TMEM74: variants seen among roughly 807,000 people sequenced by gnomAD.
TMEM74 encodes the protein transmembrane protein 74.
Under a neutral mutation model 18.1 loss-of-function variants are expected in TMEM74, and 13 were observed. The observed-to-expected ratio is 0.72, with a 90% CI of 0.47 to 1.14. The LOEUF (loss-of-function observed/expected upper bound fraction) is 1.14. Among genes scored for constraint, TMEM74 ranks in the 50% most tolerant of loss-of-function variants. The pLI is 0.00. For missense variants in TMEM74, 372 were observed against 375.9 expected (o/e 0.99, Z 0.09); for synonymous variants, 159 against 146.6 (o/e 1.08, Z -0.61).
intron 1 of TMEM74, among the ~76,000 whole-genome samples, chr8:108,670,824 A>C (rs991077206): frequency 2.0e-5 from 3 of 152,212 alleles, no homozygotes; most frequent in Non-Finnish European, 4.4e-5. Context: ...CCACAAAAAG[A>C]AAAAAGAAAA....
intron 1 of TMEM74, among the ~76,000 whole-genome samples, chr8:108,711,478 T>C (rs3019344): frequency 0.38 from 58,500 of 152,086 alleles, 11,656 homozygotes; most frequent in East Asian, 0.6. Context: ...CTCTACAACC[T>C]TTTCTTCTCA....
intron 1 of TMEM74, among the ~76,000 whole-genome samples, chr8:108,740,696 G>A (rs542861751): frequency 1.9e-4 from 29 of 152,258 alleles, no homozygotes; most frequent in Non-Finnish European, 3.2e-4. Context: ...AGTGATCTGT[G>A]ATCACTGATC....
At chr8:108,611,144 A>G (rs933651679) in intron 2 of TMEM74, among the ~76,000 whole-genome samples, 4 of 152,342 alleles carry the variant, frequency 2.6e-5, no homozygotes, top group East Asian at 1.9e-4. Flanking sequence ...GCATGTAAAT[A>G]TGGAGTATTT....
chr8:108,715,397 T>C (rs1247323725), intron 1 of TMEM74, among the ~76,000 whole-genome samples: 1 of 152,036 alleles, frequency 6.6e-6, no homozygotes, highest in African/African-American at 2.4e-5. Flanking sequence ...AAACTTGCAC[T>C]TGTGGCTCCT....
intron 1 of TMEM74, among the ~76,000 whole-genome samples, chr8:108,666,356 T>C (rs1812949191): frequency 1.3e-5 from 2 of 152,194 alleles, no homozygotes; most frequent in Non-Finnish European, 2.9e-5. Flanking sequence ...ACAGTGCACG[T>C]GTTGGCAATA....
chr8:108,615,064 T>C (rs982710854), intron 2 of TMEM74, among the ~76,000 whole-genome samples: 9 of 152,204 alleles, frequency 5.9e-5, no homozygotes, highest in African/African-American at 1.9e-4. Context: ...GGAAATAAAC[T>C]GAAAGTGTCA....
chr8:108,765,981 C>CA (rs1814102700), intron 1 of TMEM74, among the ~76,000 whole-genome samples: 1 of 151,820 alleles, frequency 6.6e-6, no homozygotes, highest in Non-Finnish European at 1.5e-5. Context: ...TTGGAAAAAG[C>CA]AAAAAGTATA....
intron 2 of TMEM74, among the ~76,000 whole-genome samples, chr8:108,618,563 C>G (rs747222775): frequency 6.6e-6 from 1 of 152,148 alleles, no homozygotes; most frequent in African/African-American, 2.4e-5. Flanking sequence ...TATCAGTACA[C>G]TGGAGTACTT....
chr8:108,643,009 C>A (rs879324082), intron 2 of TMEM74, among the ~76,000 whole-genome samples: 1 of 152,068 alleles, frequency 6.6e-6, no homozygotes, highest in Non-Finnish European at 1.5e-5. Context: ...TACCCCTTAC[C>A]CCTACCGTCA....
rs916866370 is a variant in TMEM74 at position 108,699,303 on chromosome 8, T to C, written n.120-43866A>G. Among the ~76,000 whole-genome samples, 4 of 151,260 alleles carry C rather than the reference T, an allele frequency of 2.6e-5. No individual in the cohort carries two copies. The East Asian group carries it at 7.8e-4, about 30-fold the overall frequency. ...TAGGACTAAACATTTTGTATGCCAGTGTCTGTAACACTATGTGTGCTATGT... is the reference window on the plus strand; with the variant it reads ...TAGGACTAAACATTTTGTATGCCAGCGTCTGTAACACTATGTGTGCTATGT... On this transcript the variant is annotated intron_variant and non_coding_transcript_variant, in intron 1 of 3. Transcript: ENST00000518838.
intron 2 of TMEM74, among the ~76,000 whole-genome samples, chr8:108,619,971 C>T (rs1812423184): frequency 6.6e-6 from 1 of 152,114 alleles, no homozygotes; most frequent in Non-Finnish European, 1.5e-5. Context: ...CTTTTTCTTC[C>T]TCTTTTCCAC....
intron 1 of TMEM74, among the ~76,000 whole-genome samples, chr8:108,746,149 A>G (rs897002578): frequency 3.3e-5 from 5 of 152,072 alleles, no homozygotes; most frequent in African/African-American, 9.7e-5. Context: ...AAACTTGATG[A>G]GATTCCTGCT....
chr8:108,741,214 C>T (rs1437456798), intron 1 of TMEM74, among the ~76,000 whole-genome samples: 1 of 152,032 alleles, frequency 6.6e-6, no homozygotes, highest in Admixed American at 6.6e-5. Flanking sequence ...ACATGAAATT[C>T]AGGTGGCTGC....
chr8:108,676,447 C>T lies in TMEM74; in HGVS notation n.120-21010G>A, dbSNP rs571090540. 4.6e-5 allele frequency among the ~76,000 whole-genome samples: 7 copies of T among 152,246 alleles called. No individual in the cohort carries two copies. The East Asian group carries it at 1.4e-3, about 29-fold the overall frequency. ...AGGCACAGTCCCCCCTCAAAGCCTT[C>T]ACACAAGCTGTTCCCTCTGCCTAGG... is the stretch of plus-strand genomic sequence containing the variant. On this transcript the variant is annotated intron_variant and non_coding_transcript_variant, in intron 1 of 3. Coordinates refer to the TMEM74 transcript ENST00000518838.
intron 1 of TMEM74, among the ~76,000 whole-genome samples, chr8:108,743,840 T>C (rs973117637): frequency 5.3e-5 from 8 of 152,122 alleles, no homozygotes; most frequent in Non-Finnish European, 1.2e-4. Flanking sequence ...CTCACCTCCC[T>C]CCAGGGGCAC....
chr8:108,661,468 G>T (rs1812899632), intron 1 of TMEM74, among the ~76,000 whole-genome samples: 1 of 123,138 alleles, frequency 8.1e-6, no homozygotes. Flanking sequence ...TGGTCTTTTT[G>T]TTTGCAATTT....
intron 1 of TMEM74, among the ~76,000 whole-genome samples, chr8:108,719,024 C>G (rs905780479): frequency 2.0e-5 from 3 of 150,798 alleles, no homozygotes; most frequent in African/African-American, 7.3e-5. Context: ...ATATTTGTAT[C>G]CTTGTAGTCA....
rs1378039645 is a variant in TMEM74 at position 108,741,484 on chromosome 8, C to T, written n.119+45992G>A. ...AGCTATAGAGGTTTATTTGGGACAG[C>T]CATGGTTTACACCTGGCATAATTGC... On this transcript the variant is annotated intron_variant and non_coding_transcript_variant, in intron 1 of 3. Coordinates refer to the TMEM74 transcript ENST00000518838. 2.6e-5 allele frequency among the ~76,000 whole-genome samples: 4 copies of T among 152,120 alleles called. No individual in the cohort carries two copies. In the East Asian group the frequency reaches 7.7e-4, roughly 29 times the overall value.
At chr8:108,630,232 C>G (rs924569326) in intron 2 of TMEM74, among the ~76,000 whole-genome samples, 1 of 151,936 alleles carries the variant, frequency 6.6e-6, no homozygotes, top group Non-Finnish European at 1.5e-5. Context: ...ATCAAAATGA[C>G]AAAGAAGGGC....
Sources: allele counts gnomAD v4.1 joint callset (sites outside exome capture counted in the v4.1 genomes callset), GRCh38; gene constraint gnomAD v4.1.1; transcripts MANE v1.5; gene names NCBI Gene and HGNC (gene_info 2026-07-23, HGNC 2026-07-21).